TOP2B: variants seen among roughly 807,000 people sequenced by gnomAD.
TOP2B encodes the protein DNA topoisomerase 2-beta.
TOP2B carries 51 observed loss-of-function variants against 193.5 expected under a neutral mutation model. The ratio of observed to expected loss-of-function variants is 0.26; its 90% CI spans 0.21 to 0.33. TOP2B has a LOEUF of 0.33. TOP2B is among the 10% of genes least tolerant of loss of function. The pLI, the probability that TOP2B is intolerant of heterozygous loss-of-function variation, is 1.00. For missense variants in TOP2B, 1,378 were observed against 1,909.3 expected (o/e 0.72, Z 5.19); for synonymous variants, 634 against 635.7 (o/e 1.00, Z 0.04).
chr3:25,599,465 A>G lies in TOP2B; in HGVS notation c.4680T>C (p.Pro1560=), dbSNP rs1414103790. 1 of 1,613,632 alleles carries G rather than the reference A, an allele frequency of 6.2e-7. No homozygotes were observed. Among genetic ancestry groups the G allele is most frequent in the Non-Finnish European group, 8.5e-7 (1 of 1,179,668 alleles). ...TTGTTGTTTTGGATGTTTTCCTGCCAGGGTTATAATCGCCTTCATTTTCAG... is the reference window on the plus strand; with the variant it reads ...TTGTTGTTTTGGATGTTTTCCTGCCGGGGTTATAATCGCCTTCATTTTCAG... ...SGSENEGDYN[P]GRKTSKTTSK... Residue 1560 remains proline (P), a synonymous_variant, in exon 35 of 36, where the codon CCT becomes CCC. Transcript: ENST00000264331.
chr3:25,658,899 T>C (rs1272144524), intron 1 of TOP2B, among the ~76,000 whole-genome samples: 2 of 152,112 alleles, frequency 1.3e-5, no homozygotes, highest in South Asian at 2.1e-4. Flanking sequence ...AATATAGCAA[T>C]TTGGCAGAAG....
rs1482216691 is a variant in TOP2B at position 25,638,153 on chromosome 3, T to C, written c.541+12A>G. 1.3e-6 allele frequency: 2 copies of C among 1,559,506 alleles called. No individual in the cohort carries two copies. Among genetic ancestry groups the C allele is most frequent in the Non-Finnish European group, 8.7e-7 (1 of 1,150,800 alleles). On this transcript the variant is annotated intron_variant, in intron 5 of 35. Transcript: ENST00000264331. ...ACAGTATTTTTCAACCAAAATTCCA[T>C]TCAGACTTTACCTGTAACTTTTTTC... is the stretch of plus-strand genomic sequence containing the variant.
chr3:25,636,247 C>T, intron 6 of TOP2B, 99 bp from the exon 7 acceptor site: 1 of 765,620 alleles, frequency 1.3e-6, no homozygotes, highest in East Asian at 2.8e-5. Context: ...CAAACTATAT[C>T]AATTTTACAA....
At chr3:25,632,153 A>G (rs1489069810) in intron 10 of TOP2B, among the ~76,000 whole-genome samples, 2 of 152,084 alleles carry the variant, frequency 1.3e-5, no homozygotes, top group Non-Finnish European at 2.9e-5. Flanking sequence ...AGAGTTGCAT[A>G]AGGATCTGGA....
chr3:25,610,693 G>A (rs546425573), intron 28 of TOP2B, among the ~76,000 whole-genome samples: 1 of 152,302 alleles, frequency 6.6e-6, no homozygotes, highest in South Asian at 2.1e-4. Context: ...GGGAGTCACT[G>A]AAGATTTTTA....
At chr3:25,648,873 A>T (rs1183638802) in intron 1 of TOP2B, among the ~76,000 whole-genome samples, 2 of 152,192 alleles carry the variant, frequency 1.3e-5, no homozygotes, top group Non-Finnish European at 2.9e-5. Context: ...AAAAAATAAT[A>T]AATAAATCAC....
chr3:25,609,413 T>C lies in TOP2B; in HGVS notation c.3932-69A>G, dbSNP rs1702313945. 8 of 1,471,314 alleles carry C rather than the reference T, an allele frequency of 5.4e-6. No individual in the cohort carries two copies. In the South Asian group the frequency reaches 1.1e-4, roughly 20 times the overall value. The allele number at this position is 1,471,314 out of a possible 1,614,324, so 91.1% of individuals were successfully genotyped here. A position where few individuals can be genotyped will look rare whatever the true frequency, so the allele number is the denominator to read the frequency against. Reference sequence around the variant, plus strand: ...GAAATGTCATTAGTAAAAATAAAATTGTTATAATGAAAAGTTCATTACAAA... The same window carrying C: ...GAAATGTCATTAGTAAAAATAAAATCGTTATAATGAAAAGTTCATTACAAA... On this transcript the variant is annotated intron_variant, in intron 29 of 35. Transcript: ENST00000264331.
In TOP2B at chr3:25,632,705, C is replaced by T. The variant is rs754637558; in HGVS notation, c.1116G>A (p.Val372=). The change falls in exon 9 of 36, where the codon GTG becomes GTA. Residue 372 remains valine, a synonymous_variant. Coordinates refer to ENST00000264331, the MANE Select transcript of TOP2B (RefSeq NM_001330700.2). The part of the protein sequence containing the change: ...VKKKNKAGVS[V]KPFQVKNHIW... The stretch of plus-strand genomic sequence containing the variant: ...ACACATCCCTTACTTGAAATGGTTT[C>T]ACTGATACACCAGCTTTGTTCTTTT... 2.5e-6 allele frequency: 4 copies of T among 1,612,874 alleles called. No individual in the cohort carries two copies. The highest frequency in any genetic ancestry group is 2.5e-6 in the Non-Finnish European group (3 of 1,179,196).
At chr3:25,609,536 C>T in intron 29 of TOP2B, 32 bp downstream of exon 29, 1 of 1,592,738 alleles carries the variant, frequency 6.3e-7, no homozygotes, top group Non-Finnish European at 8.5e-7. Flanking sequence ...TTTTTTCTCT[C>T]ACACACATGC....
At chr3:25,646,601 TAACTC>T (rs1559507330) in intron 1 of TOP2B, among the ~76,000 whole-genome samples, 1 of 152,132 alleles carries the variant, frequency 6.6e-6, no homozygotes, top group Non-Finnish European at 1.5e-5. Flanking sequence ...AATCAAAAAA[TAACTC>T]AAAAGACACA....
intron 34 of TOP2B, 86 bp from the exon 35 acceptor site, chr3:25,599,615 G>T: frequency 1.6e-6 from 2 of 1,280,270 alleles, no homozygotes; most frequent in Non-Finnish European, 2.2e-6. Context: ...TTATTTCTTT[G>T]GCATGCCCAA....
intron 1 of TOP2B, among the ~76,000 whole-genome samples, chr3:25,656,392 C>A (rs1273827920): frequency 1.3e-5 from 2 of 151,966 alleles, no homozygotes; most frequent in Non-Finnish European, 2.9e-5. Context: ...CCCCTGAGCC[C>A]AGGAATTTGA....
intron 30 of TOP2B, among the ~76,000 whole-genome samples, chr3:25,607,952 T>TG (rs1702275278): frequency 6.6e-6 from 1 of 152,112 alleles, no homozygotes; most frequent in African/African-American, 2.4e-5. Flanking sequence ...GCTGATTTTT[T>TG]TTAAAAAATT....
At chr3:25,643,942 TATTAA>T (rs1433678433) in intron 2 of TOP2B, among the ~76,000 whole-genome samples, 158 bp from the exon 3 acceptor site, 1 of 152,224 alleles carries the variant, frequency 6.6e-6, no homozygotes, top group Non-Finnish European at 1.5e-5. Context: ...TCACTATTCA[TATTAA>T]ATTAACCTCA....
At chr3:25,619,431 C>T (rs1702599520) in intron 23 of TOP2B, among the ~76,000 whole-genome samples, 1 of 152,040 alleles carries the variant, frequency 6.6e-6, no homozygotes, top group Admixed American at 6.6e-5. Flanking sequence ...TGGAATGGAA[C>T]TTGAATCACA....
At chr3:25,645,217 TAATTAC>T in intron 2 of TOP2B, 77 bp downstream of exon 2, 1 of 1,258,720 alleles carries the variant, frequency 7.9e-7, no homozygotes, top group East Asian at 2.4e-5. Context: ...CCAAAGCAAG[TAATTAC>T]AATAATTTTA....
intron 3 of TOP2B, 26 bp downstream of exon 3, chr3:25,643,668 G>A (rs1703327706): frequency 5.9e-6 from 9 of 1,513,618 alleles, no homozygotes; most frequent in Middle Eastern, 1.7e-4. Flanking sequence ...ATAGAAACAT[G>A]CATTAAATCC....
At chr3:25,652,619 G>A (rs570266353) in intron 1 of TOP2B, among the ~76,000 whole-genome samples, 21 of 152,226 alleles carry the variant, frequency 1.4e-4, no homozygotes, top group African/African-American at 4.6e-4. Flanking sequence ...GAAAATATCA[G>A]GAGACAAATG....
chr3:25,663,442 A>T (rs1473012374), intron 1 of TOP2B, among the ~76,000 whole-genome samples: 4 of 152,224 alleles, frequency 2.6e-5, no homozygotes, highest in African/African-American at 9.6e-5. Context: ...CGAATTATCG[A>T]TCTGTCGTGG....
Sources: gnomAD v4.1 joint callset for allele counts (sites outside exome capture counted in the v4.1 genomes callset) on GRCh38, gnomAD v4.1.1 for gene constraint, MANE v1.5 for transcripts, NCBI Gene and HGNC (gene_info 2026-07-23, HGNC 2026-07-21) for gene names.